Variants in AVL9 observed in about 807,000 individuals in gnomAD.
The protein encoded by AVL9 is late secretory pathway protein AVL9 homolog.
AVL9 carries 49 observed loss-of-function variants against 79.2 expected under a neutral mutation model. The ratio of observed to expected loss-of-function variants is 0.62; its 90% CI spans 0.49 to 0.79. The LOEUF (loss-of-function observed/expected upper bound fraction) is 0.79, where lower values mean the gene tolerates loss of function less well. AVL9 is among the 30% of genes least tolerant of loss of function. The pLI is 0.00. For synonymous variants in AVL9, 299 were observed against 280.6 expected (o/e 1.07, Z -0.65); for missense variants, 682 against 776.8 (o/e 0.88, Z 1.45).
intron 1 of AVL9, among the ~76,000 whole-genome samples, chr7:32,498,849 A>G (rs1786983069): frequency 6.6e-6 from 1 of 151,658 alleles, no homozygotes; most frequent in Admixed American, 6.6e-5. Flanking sequence ...TTAACAAGGG[A>G]TAATTTAACA....
chr7:32,543,012 T>C (rs948320765), intron 1 of AVL9, 129 bp from the exon 2 acceptor site: 9 of 1,169,370 alleles, frequency 7.7e-6, no homozygotes, highest in Admixed American at 2.3e-5. Flanking sequence ...GCTGATGATA[T>C]CAAATGACAT....
intron 1 of AVL9, among the ~76,000 whole-genome samples, chr7:32,521,724 G>T (rs2128124073): frequency 6.6e-6 from 1 of 152,296 alleles, no homozygotes. Flanking sequence ...CCTAATGTTA[G>T]TCCCCAAGAC....
chr7:32,578,083 G>A (rs551297813), intron 13 of AVL9, among the ~76,000 whole-genome samples: 2 of 152,126 alleles, frequency 1.3e-5, no homozygotes, highest in Non-Finnish European at 2.9e-5. Flanking sequence ...GAAAGAATTG[G>A]GGGCTTGGAG....
In AVL9 at chr7:32,503,136, T is replaced by A. The variant is rs1787213275; in HGVS notation, c.93+7334T>A. Among the ~76,000 whole-genome samples, 6 of 151,838 alleles carry A rather than the reference T, an allele frequency of 4.0e-5. No individual in the cohort carries two copies. In the South Asian group the frequency reaches 1.2e-3, roughly 32 times the overall value. ...CTTGGCAGTTTTGTAGGTAATTAAG[T>A]TGTCAGAAGTGTGACTTCTGAATAA... On this transcript the variant is annotated intron_variant, in intron 1 of 15. Coordinates refer to ENST00000318709, the MANE Select transcript of AVL9 (RefSeq NM_015060.3).
At chr7:32,516,521 G>A (rs1787905982) in intron 1 of AVL9, among the ~76,000 whole-genome samples, 1 of 152,176 alleles carries the variant, frequency 6.6e-6, no homozygotes, top group African/African-American at 2.4e-5. Context: ...GATTACTAGG[G>A]GCTAAGTGGG....
intron 8 of AVL9, among the ~76,000 whole-genome samples, 165 bp downstream of exon 8, chr7:32,554,761 A>T (rs986113145): frequency 2.0e-5 from 3 of 152,228 alleles, no homozygotes; most frequent in Non-Finnish European, 4.4e-5. Flanking sequence ...GTAAAAATAT[A>T]AATTCATGCA....
At chr7:32,549,690 G>A (rs1459839270) in intron 4 of AVL9, among the ~76,000 whole-genome samples, 1 of 151,594 alleles carries the variant, frequency 6.6e-6, no homozygotes. Flanking sequence ...CGAGGTGGGC[G>A]GATCATGAGG....
In AVL9 at chr7:32,571,372, A is replaced by C. The variant is rs560140060; in HGVS notation, c.1350+1218A>C. On this transcript the variant is annotated intron_variant, in intron 11 of 15. Transcript: ENST00000318709. ...GTGAAACCCCGTCTCTACTAAAAATACAAAAATTAGCTGGGCATGGTGGCA... is the reference window on the plus strand; with the variant it reads ...GTGAAACCCCGTCTCTACTAAAAATCCAAAAATTAGCTGGGCATGGTGGCA... Among the ~76,000 whole-genome samples the C allele has an allele frequency of 3.4e-4, 51 of 152,102 alleles. No individual in the cohort carries two copies. In the South Asian group the frequency reaches 0.01, roughly 31 times the overall value.
At chr7:32,514,922 G>A (rs533845900) in intron 1 of AVL9, among the ~76,000 whole-genome samples, 2 of 152,264 alleles carry the variant, frequency 1.3e-5, no homozygotes, top group South Asian at 2.1e-4. Flanking sequence ...CTCTTCACAC[G>A]GACACGCATG....
intron 11 of AVL9, among the ~76,000 whole-genome samples, chr7:32,571,420 T>C (rs552555510): frequency 1.0e-3 from 151 of 150,312 alleles, no homozygotes; most frequent in South Asian, 6.3e-3. Context: ...CCCAGCTACT[T>C]GGGAGGCTGA....
At chr7:32,552,383 T>A in intron 6 of AVL9, 88 bp downstream of exon 6, 1 of 730,086 alleles carries the variant, frequency 1.4e-6, no homozygotes, top group Non-Finnish European at 2.4e-6. Context: ...TGATTAGAAT[T>A]ACATCTCTAT....
At chr7:32,500,094 C>T (rs1160799784) in intron 1 of AVL9, among the ~76,000 whole-genome samples, 3 of 152,078 alleles carry the variant, frequency 2.0e-5, no homozygotes, top group Non-Finnish European at 4.4e-5. Context: ...ATGTATAATC[C>T]TTCGGGTATA....
At chr7:32,551,569 G>C in intron 5 of AVL9, 146 bp downstream of exon 5, 1 of 227,784 alleles carries the variant, frequency 4.4e-6, no homozygotes, top group East Asian at 7.9e-5. Flanking sequence ...AACATTGAAA[G>C]ACTAGGAATC....
intron 1 of AVL9, among the ~76,000 whole-genome samples, chr7:32,504,897 G>A (rs1048186087): frequency 2.0e-5 from 3 of 151,602 alleles, no homozygotes; most frequent in African/African-American, 4.8e-5. Context: ...TTTTTGAGAC[G>A]GAGTCTCGCT....
At chr7:32,532,981 A>G (rs968941935) in intron 1 of AVL9, 2 of 149,722 alleles carry the variant, frequency 1.3e-5, no homozygotes, top group African/African-American at 4.9e-5. Context: ...ACACCAGTGC[A>G]CAGCAGCTTG....
At chr7:32,550,099 G>A (rs1393096576) in intron 4 of AVL9, among the ~76,000 whole-genome samples, 1 of 152,062 alleles carries the variant, frequency 6.6e-6, no homozygotes, top group African/African-American at 2.4e-5. Flanking sequence ...AAGAGTAAGA[G>A]TACCAGATAT....
chr7:32,532,838 G>A (rs7781547), intron 1 of AVL9: 3,544 of 152,266 alleles, frequency 0.023, 149 homozygotes, highest in African/African-American at 0.079. Context: ...CTAGGTGTTT[G>A]AGAGCAGCCT....
Position 32,566,180 on chromosome 7 carries a change from A to ATCTTTTTTTTTTT in AVL9, c.1216-3839_1216-3838insCTTTTTTTTTTTT, listed in dbSNP as rs70992731. On this transcript the variant is annotated intron_variant, in intron 10 of 15. Transcript: ENST00000318709. ...TAAAAAAATTTTAATTATTATTATT[A>ATCTTTTTTTTTTT]TTTTTTTTTTTTGGAGACAAGGTCT... Among the ~76,000 whole-genome samples, 236 of 93,860 alleles carry ATCTTTTTTTTTTT rather than the reference A, an allele frequency of 2.5e-3. 38 individuals carry two copies. The highest frequency in any genetic ancestry group is 7.0e-3 in the African/African-American group (169 of 24,070). 61.6% of individuals were successfully genotyped at this position (93,860 alleles called of 152,430 possible).
intron 1 of AVL9, among the ~76,000 whole-genome samples, chr7:32,509,880 A>T (rs1787579404): frequency 6.6e-6 from 1 of 152,188 alleles, no homozygotes; most frequent in East Asian, 1.9e-4. Flanking sequence ...GAAAAAGGTA[A>T]TCTCTAGAAT....
Sources: allele counts gnomAD v4.1 joint callset (sites outside exome capture counted in the v4.1 genomes callset), GRCh38; gene constraint gnomAD v4.1.1; transcripts MANE v1.5; gene names NCBI Gene and HGNC (gene_info 2026-07-23, HGNC 2026-07-21).